JAM2: variants seen among roughly 807,000 people sequenced by gnomAD.
JAM2 encodes the protein junctional adhesion molecule 2.
In JAM2, 17 loss-of-function variants were observed where a neutral mutation model predicts 42.0. The observed-to-expected ratio is 0.40, with a 90% CI of 0.28 to 0.61. The LOEUF is 0.61. Ranked by LOEUF, JAM2 falls within the 20% of genes least tolerant of loss-of-function variation. The probability of loss-of-function intolerance (pLI) is 0.37; values close to 1 mark genes in which losing one functional copy is unlikely to be tolerated. For missense variants in JAM2, 319 were observed against 358.3 expected (o/e 0.89, Z 0.89); for synonymous variants, 118 against 128.6 (o/e 0.92, Z 0.56).
At position 25,715,985 on chromosome 21, in the gene JAM2, CTTTTTTTTT is replaced by C. The variant is rs778687865; in HGVS notation, c.*1324_*1332del. The C allele has an allele frequency of 6.8e-5, 8 of 117,256 alleles. No individual in the cohort carries two copies. The highest frequency in any genetic ancestry group is 3.8e-4 in the Admixed American group (4 of 10,412). The allele number at this position is 117,256 out of a possible 1,614,324, so 7.3% of individuals were successfully genotyped here. ...ATGAACATGATGGTTAATCTTCTTTCTTTTTTTTTTTTTTTTTTTGAGACGGAGTCTCAC... is the reference window on the plus strand; with the variant it reads ...ATGAACATGATGGTTAATCTTCTTTCTTTTTTTTTTGAGACGGAGTCTCAC... On this transcript the variant is annotated 3_prime_UTR_variant, in exon 10 of 10. Coordinates refer to ENST00000480456, the MANE Select transcript of JAM2 (RefSeq NM_021219.4).
intron 6 of JAM2, among the ~76,000 whole-genome samples, chr21:25,702,852 T>G (rs2034195803): frequency 6.6e-6 from 1 of 152,156 alleles, no homozygotes; most frequent in Non-Finnish European, 1.5e-5. Flanking sequence ...TGTTGTTTTG[T>G]TTTTGTTTTT....
chr21:25,711,425 C>T (rs1183347298), intron 8 of JAM2: 1 of 456,086 alleles, frequency 2.2e-6, no homozygotes, highest in African/African-American at 2.0e-5. Context: ...GACAAACTAT[C>T]TGAGGCTATG....
rs1185986886 is a variant in JAM2, at chr21:25,697,947, ACACACTCT to A, written c.395-728_395-721del. On this transcript the variant is annotated intron_variant, in intron 4 of 9. Coordinates refer to ENST00000480456, the MANE Select transcript of JAM2 (RefSeq NM_021219.4). ...TATCTGCACACACACACACACACACACACACTCTCTCTCTCGCTCTCTCTCACACACAC... is the reference window on the plus strand; with the variant it reads ...TATCTGCACACACACACACACACACACTCTCTCGCTCTCTCTCACACACAC... 1.7e-4 allele frequency among the ~76,000 whole-genome samples: 26 copies of A among 149,446 alleles called. No homozygotes were observed. In the East Asian group the frequency reaches 4.3e-3, roughly 25 times the overall value.
At position 25,693,826 on chromosome 21, in the gene JAM2, G is replaced by A. The variant is rs1216459022; in HGVS notation, c.312G>A (p.Ala104=). 15 of 1,613,914 alleles carry A rather than the reference G, an allele frequency of 9.3e-6. No individual in the cohort carries two copies. The highest frequency in any genetic ancestry group is 1.7e-5 in the Admixed American group (1 of 59,988). Residue 104 remains alanine (A), a synonymous_variant, in exon 4 of 10, where the codon GCG becomes GCA. Coordinates refer to ENST00000480456, the MANE Select transcript of JAM2 (RefSeq NM_021219.4). Reference sequence around the variant, plus strand: ...TCAAAAATGTGACAAGAAGTGATGCGGGGAAATATCGTTGTGAAGTTAGTG... The same window carrying A: ...TCAAAAATGTGACAAGAAGTGATGCAGGGAAATATCGTTGTGAAGTTAGTG... ...IRIKNVTRSD[A]GKYRCEVSAP...
intron 4 of JAM2, among the ~76,000 whole-genome samples, chr21:25,695,232 AC>A (rs2033977358): frequency 6.6e-6 from 1 of 152,160 alleles, no homozygotes; most frequent in Non-Finnish European, 1.5e-5. Flanking sequence ...CACATCTTGC[AC>A]CGCCCTTAAT....
chr21:25,680,928 G>A (rs2033616958), intron 1 of JAM2, among the ~76,000 whole-genome samples: 1 of 152,026 alleles, frequency 6.6e-6, no homozygotes, highest in Non-Finnish European at 1.5e-5. Flanking sequence ...AGAATACAAG[G>A]GAGTCAACAG....
At chr21:25,657,139 C>T (rs1205480868) in intron 1 of JAM2, among the ~76,000 whole-genome samples, 7 of 152,020 alleles carry the variant, frequency 4.6e-5, no homozygotes, top group African/African-American at 7.2e-5. Context: ...CTCTCTGTCA[C>T]CCAGGCTAGC....
intron 3 of JAM2, 94 bp downstream of exon 3, chr21:25,690,067 T>C: frequency 1.3e-6 from 1 of 774,462 alleles, no homozygotes; most frequent in Non-Finnish European, 2.2e-6. Flanking sequence ...CATGACTGAT[T>C]ACTGAAAATG....
Position 25,715,985 on chromosome 21 carries a change from C to CTTTTTTTTT in JAM2, c.*1324_*1332dup, listed in dbSNP as rs778687865. 4.3e-5 allele frequency: 5 copies of CTTTTTTTTT among 117,254 alleles called. No individual in the cohort carries two copies. Among genetic ancestry groups the CTTTTTTTTT allele is most frequent in the Non-Finnish European group, 5.1e-5 (3 of 58,988 alleles). The allele number at this position is 117,254 out of a possible 1,614,324, so 7.3% of individuals were successfully genotyped here. ...ATGAACATGATGGTTAATCTTCTTT[C>CTTTTTTTTT]TTTTTTTTTTTTTTTTTTTGAGACG... On this transcript the variant is annotated 3_prime_UTR_variant, in exon 10 of 10. Transcript: ENST00000480456.
chr21:25,702,399 A>G (rs1160954487), intron 6 of JAM2, 130 bp downstream of exon 6: 1 of 502,346 alleles, frequency 2.0e-6, no homozygotes, highest in East Asian at 2.9e-5. Flanking sequence ...AGAATGACTA[A>G]AATTAACTTG....
At chr21:25,704,428 G>C (rs1186137093) in intron 6 of JAM2, among the ~76,000 whole-genome samples, 1 of 151,992 alleles carries the variant, frequency 6.6e-6, no homozygotes, top group East Asian at 1.9e-4. Context: ...TAACACACTT[G>C]GCATTAGGAA....
intron 9 of JAM2, among the ~76,000 whole-genome samples, chr21:25,712,720 T>C (rs1040468205): frequency 5.9e-5 from 9 of 152,230 alleles, no homozygotes; most frequent in Non-Finnish European, 1.0e-4. Context: ...CACAGGTTCT[T>C]ACAGGGTAAC....
rs551873545 is a variant in JAM2, at chr21:25,695,244, C to T, written c.394+1336C>T. 3.9e-5 allele frequency among the ~76,000 whole-genome samples: 6 copies of T among 152,320 alleles called. No homozygotes were observed. The South Asian group carries it at 1.2e-3, about 32-fold the overall frequency. On this transcript the variant is annotated intron_variant, in intron 4 of 9. Coordinates refer to ENST00000480456, the MANE Select transcript of JAM2 (RefSeq NM_021219.4). Reference sequence around the variant, plus strand: ...AAGCACATCTTGCACCGCCCTTAATCCATTTAACCCTGAGTGGACACAGCA... The same window carrying T: ...AAGCACATCTTGCACCGCCCTTAATTCATTTAACCCTGAGTGGACACAGCA...
chr21:25,668,425 C>G (rs890261450), intron 1 of JAM2, among the ~76,000 whole-genome samples: 2 of 152,144 alleles, frequency 1.3e-5, no homozygotes, highest in African/African-American at 4.8e-5. Context: ...ACAGTAGTAG[C>G]TATGGGAGGA....
chr21:25,659,074 G>A (rs1013092135), intron 1 of JAM2, among the ~76,000 whole-genome samples: 1 of 152,148 alleles, frequency 6.6e-6, no homozygotes, highest in Non-Finnish European at 1.5e-5. Context: ...TGAAGGGTAA[G>A]CCATAAGCCT....
At chr21:25,693,968 G>A in intron 4 of JAM2, 60 bp downstream of exon 4, 2 of 1,550,494 alleles carry the variant, frequency 1.3e-6, no homozygotes, top group Non-Finnish European at 1.8e-6. Flanking sequence ...CCCAGCCCTG[G>A]GGGCAAGCAA....
chr21:25,694,666 G>A (rs1277530120), intron 4 of JAM2, among the ~76,000 whole-genome samples: 1 of 151,380 alleles, frequency 6.6e-6, no homozygotes, highest in African/African-American at 2.4e-5. Flanking sequence ...CCCCTATATC[G>A]CTCTCTCTAA....
At chr21:25,713,457 T>C (rs1462227028) in intron 9 of JAM2, among the ~76,000 whole-genome samples, 5 of 150,182 alleles carry the variant, frequency 3.3e-5, no homozygotes, top group African/African-American at 9.8e-5. Flanking sequence ...CCTATGGTTT[T>C]AGAGGCCTAA....
intron 1 of JAM2, among the ~76,000 whole-genome samples, chr21:25,669,723 G>A (rs1447876006): frequency 6.6e-6 from 1 of 152,124 alleles, no homozygotes; most frequent in Admixed American, 6.5e-5. Context: ...CACAGCACTG[G>A]GTTTCAAATA....
Sources: allele counts gnomAD v4.1 joint callset (sites outside exome capture counted in the v4.1 genomes callset), GRCh38; gene constraint gnomAD v4.1.1; transcripts MANE v1.5; gene names NCBI Gene and HGNC (gene_info 2026-07-23, HGNC 2026-07-21).